FHL5: variants seen among roughly 807,000 people sequenced by gnomAD.
The protein encoded by FHL5 is four and a half LIM domains 5.
Under a neutral mutation model 32.0 loss-of-function variants are expected in FHL5, and 33 were observed. The ratio of observed to expected loss-of-function variants is 1.03; its 90% confidence interval spans 0.78 to 1.38. The LOEUF is 1.38. FHL5 is among the 40% of genes most tolerant of loss of function. The pLI, the probability that FHL5 is intolerant of heterozygous loss-of-function variation, is 0.00. For missense variants in FHL5, 336 were observed against 343.9 expected (o/e 0.98, Z 0.18); for synonymous variants, 114 against 113.6 (o/e 1.00, Z -0.02).
At chr6:96,605,146 A>G (rs559919008) in intron 3 of FHL5, among the ~76,000 whole-genome samples, 34 of 152,356 alleles carry the variant, frequency 2.2e-4, no homozygotes, top group Non-Finnish European at 5.9e-5. Context: ...ATATAGTCTA[A>G]TTCATAGAAA....
intron 1 of FHL5, among the ~76,000 whole-genome samples, chr6:96,589,433 A>G (rs997091505): frequency 6.6e-6 from 1 of 152,040 alleles, no homozygotes; most frequent in African/African-American, 2.4e-5. Context: ...ATTATCTTTC[A>G]GTGGTTGTTA....
chr6:96,583,862 A>G (rs1562055527), intron 1 of FHL5, among the ~76,000 whole-genome samples: 2 of 152,172 alleles, frequency 1.3e-5, no homozygotes, highest in Non-Finnish European at 2.9e-5. Flanking sequence ...GATATGAATT[A>G]ATTCACCATT....
chr6:96,600,561 G>A (rs1771127005), intron 1 of FHL5, among the ~76,000 whole-genome samples: 1 of 152,096 alleles, frequency 6.6e-6, no homozygotes, highest in Non-Finnish European at 1.5e-5. Flanking sequence ...TTCCTAGGAA[G>A]GTCTCTCCTC....
chr6:96,599,074 C>T (rs1055505488), intron 1 of FHL5, among the ~76,000 whole-genome samples: 1 of 151,996 alleles, frequency 6.6e-6, no homozygotes, highest in African/African-American at 2.4e-5. Context: ...ATATATTACT[C>T]ATAGCATTAG....
In FHL5 at chr6:96,617,928, T is replaced by C. The variant is rs1032972046; in HGVS notation, c.*2156T>C. On this transcript the variant is annotated 3_prime_UTR_variant, in exon 6 of 6. Transcript: ENST00000450218. ...ATAGTTCTGCATTTAGAAGGTATCC[T>C]ACACATCAAACATCCATTAAACATG... Among the ~76,000 whole-genome samples the C allele has an allele frequency of 6.6e-6, 1 of 152,196 alleles. No homozygotes were observed.
chr6:96,604,809 T>C lies in FHL5; in HGVS notation c.219T>C (p.Asn73=). ...HEGCFKCTKC[N]HSLVEKPFAA... is the part of the protein sequence containing the mutation. ...GATGCTTCAAGTGCACCAAATGCAA[T>C]CACTCTTTGGTGGAAAAGCCTTTTG... Residue 73 remains asparagine (N), a synonymous_variant, in exon 3 of 6, where the codon AAT becomes AAC. Coordinates refer to ENST00000450218, the MANE Select transcript of FHL5 (RefSeq NM_001322466.2). 6.2e-7 allele frequency: 1 copy of C among 1,613,920 alleles called. No homozygotes were observed. Among genetic ancestry groups the C allele is most frequent in the Admixed American group, 1.7e-5 (1 of 60,022 alleles).
At chr6:96,572,217 G>T (rs977161114) in intron 1 of FHL5, among the ~76,000 whole-genome samples, 1 of 152,182 alleles carries the variant, frequency 6.6e-6, no homozygotes, top group Non-Finnish European at 1.5e-5. Context: ...GGGATGCGGG[G>T]CATCAGTTCA....
intron 1 of FHL5, among the ~76,000 whole-genome samples, chr6:96,597,375 A>G (rs375155140): frequency 1.7e-5 from 1 of 59,450 alleles, no homozygotes; most frequent in Non-Finnish European, 3.3e-5. Flanking sequence ...CACAAAAAAA[A>G]TCACATTTTG....
chr6:96,568,219 A>G (rs960469313), intron 1 of FHL5, among the ~76,000 whole-genome samples: 2 of 151,804 alleles, frequency 1.3e-5, no homozygotes, highest in African/African-American at 4.8e-5. Context: ...CATTTTCTCT[A>G]TCTCTTGAGA....
intron 1 of FHL5, among the ~76,000 whole-genome samples, chr6:96,584,683 G>A (rs1205428349): frequency 6.6e-6 from 1 of 152,056 alleles, no homozygotes; most frequent in Non-Finnish European, 1.5e-5. Flanking sequence ...AGGATGTTCT[G>A]GAATTCTCCA....
intron 4 of FHL5, among the ~76,000 whole-genome samples, chr6:96,609,309 T>A (rs1171237457): frequency 6.6e-6 from 1 of 152,176 alleles, no homozygotes; most frequent in Non-Finnish European, 1.5e-5. Context: ...AGGAACCACC[T>A]CAGATACCCC....
At chr6:96,603,243 C>T (rs1404302811) in intron 1 of FHL5, among the ~76,000 whole-genome samples, 2 of 152,132 alleles carry the variant, frequency 1.3e-5, no homozygotes, top group African/African-American at 4.8e-5. Flanking sequence ...TTATTAAAAG[C>T]CCTAGCAACA....
In FHL5 at chr6:96,608,547, A is replaced by G. The variant is rs147969997; in HGVS notation, c.505-2025A>G. On this transcript the variant is annotated intron_variant, in intron 4 of 5. Coordinates refer to ENST00000450218, the MANE Select transcript of FHL5 (RefSeq NM_001322466.2). Reference sequence around the variant, plus strand: ...GCTGTTAGAACTTTTAAGCTTTAAAATCCATAGATTTTATTTTGTTAAACT... The same window carrying G: ...GCTGTTAGAACTTTTAAGCTTTAAAGTCCATAGATTTTATTTTGTTAAACT... Among the ~76,000 whole-genome samples the G allele has an allele frequency of 2.1e-3, 313 of 152,306 alleles. 1 individual carries two copies. Among genetic ancestry groups the G allele is most frequent in the African/African-American group, 7.3e-3 (304 of 41,566 alleles).
rs1465402206 is a variant in FHL5 at position 96,617,252 on chromosome 6, GC to G, written c.*1483del. ...GAGTAGAGGGAGGTCAGGAGAAGAA[GC>G]CCACATAGATATATAACTGTCTTCT... On this transcript the variant is annotated 3_prime_UTR_variant, in exon 6 of 6. Transcript: ENST00000450218. Among the ~76,000 whole-genome samples, 1 of 152,130 alleles carries G rather than the reference GC, an allele frequency of 6.6e-6. No homozygotes were observed. The highest frequency in any genetic ancestry group is 2.4e-5 in the African/African-American group (1 of 41,428).
intron 4 of FHL5, among the ~76,000 whole-genome samples, chr6:96,607,427 G>A (rs548294954): frequency 8.8e-5 from 13 of 147,878 alleles, no homozygotes; most frequent in South Asian, 4.3e-4. Flanking sequence ...ACACACACAC[G>A]CAGTTAACTG....
chr6:96,609,523 G>C (rs1030910966), intron 4 of FHL5, among the ~76,000 whole-genome samples: 2 of 152,204 alleles, frequency 1.3e-5, no homozygotes, highest in Non-Finnish European at 2.9e-5. Flanking sequence ...AATTGGTTTA[G>C]AAAGAAAATA....
intron 1 of FHL5, among the ~76,000 whole-genome samples, chr6:96,563,598 G>A (rs1315867014): frequency 6.6e-6 from 1 of 152,076 alleles, no homozygotes; most frequent in Non-Finnish European, 1.5e-5. Flanking sequence ...AGGTAACATA[G>A]GGGCCAGATA....
intron 1 of FHL5, among the ~76,000 whole-genome samples, chr6:96,574,159 T>G (rs1237873301): frequency 1.3e-5 from 2 of 152,194 alleles, no homozygotes; most frequent in African/African-American, 4.8e-5. Flanking sequence ...TGTTAATGAC[T>G]TCTAGTATTA....
chr6:96,592,325 C>T (rs1031349533), intron 1 of FHL5, among the ~76,000 whole-genome samples: 1 of 152,170 alleles, frequency 6.6e-6, no homozygotes, highest in Non-Finnish European at 1.5e-5. Flanking sequence ...TTCAGTGATA[C>T]TTCTCCCATT....
Sources: allele counts gnomAD v4.1 joint callset (sites outside exome capture counted in the v4.1 genomes callset), GRCh38; gene constraint gnomAD v4.1.1; transcripts MANE v1.5; gene names NCBI Gene and HGNC (gene_info 2026-07-23, HGNC 2026-07-21).